Variants in LAMB4 observed in about 807,000 individuals in gnomAD.
LAMB4 encodes the protein laminin subunit beta-4.
Under a neutral mutation model 199.2 loss-of-function variants are expected in LAMB4, and 196 were observed. That is an observed-to-expected ratio of 0.98 (90% CI 0.88 to 1.11). The LOEUF is 1.11. Among genes scored for constraint, LAMB4 ranks in the 50% least tolerant of loss-of-function variants. The pLI is 0.00. For synonymous variants in LAMB4, 744 were observed against 770.6 expected (o/e 0.97, Z 0.57); for missense variants, 2,080 against 2,171.2 (o/e 0.96, Z 0.83).
chr7:108,021,167 T>C (rs1732147), downstream of LAMB4, among the ~76,000 whole-genome samples: 29,620 of 152,160 alleles, frequency 0.19, 6,654 homozygotes, highest in African/African-American at 0.55. Context: ...CCTCCCTCAG[T>C]AGTCTATATT....
chr7:108,046,240 T>G (rs1584623318), intron 28 of LAMB4, among the ~76,000 whole-genome samples: 1 of 103,524 alleles, frequency 9.7e-6, no homozygotes, highest in Non-Finnish European at 1.7e-5. Context: ...GGCTAAATTT[T>G]TTTTTTTTTT....
intron 30 of LAMB4, 55 bp downstream of exon 30, chr7:108,037,333 T>A: frequency 7.4e-7 from 1 of 1,357,104 alleles, no homozygotes. Context: ...TTTCCTGATG[T>A]CCTTTCAGCA....
intron 29 of LAMB4, among the ~76,000 whole-genome samples, chr7:108,038,765 G>A (rs1426461408): frequency 6.6e-6 from 1 of 152,188 alleles, no homozygotes; most frequent in Non-Finnish European, 1.5e-5. Context: ...GAAGCCAAAA[G>A]ATTGGATACT....
At position 108,107,819 on chromosome 7, in the gene LAMB4, T is replaced by C. The variant is rs1205952198; in HGVS notation, c.403A>G (p.Thr135Ala). Residue 135 changes from threonine (T) to alanine (A), a missense_variant and splice_region_variant, in exon 6 of 34, where the codon ACT (threonine) becomes GCT (alanine). Coordinates refer to ENST00000388781, the MANE Select transcript of LAMB4 (RefSeq NM_007356.3). ...RFSHLILTFK[T>A]FRPAAMLVER... ...ACTAACATTGCAGCAGGCCGAAAAG[T>C]CTAGGAAAAATGAGTAAAAGTTGGC... is the stretch of plus-strand genomic sequence containing the variant. 2.5e-6 allele frequency: 4 copies of C among 1,574,672 alleles called. No homozygotes were observed. The African/African-American group carries it at 4.1e-5, about 16-fold the overall frequency.
intron 19 of LAMB4, among the ~76,000 whole-genome samples, chr7:108,066,810 T>C (rs917774005): frequency 4.6e-5 from 7 of 152,126 alleles, no homozygotes; most frequent in African/African-American, 1.7e-4. Flanking sequence ...TGCGAACAAT[T>C]GGGTTTAATT....
chr7:108,111,048 A>G (rs1193870046), intron 4 of LAMB4, among the ~76,000 whole-genome samples: 1 of 152,206 alleles, frequency 6.6e-6, no homozygotes, highest in African/African-American at 2.4e-5. Flanking sequence ...CAATGTAGTG[A>G]ATGAAATCAT....
intron 1 of LAMB4, among the ~76,000 whole-genome samples, chr7:108,125,813 AC>A (rs1281822095): frequency 6.6e-6 from 1 of 152,264 alleles, no homozygotes; most frequent in Non-Finnish European, 1.5e-5. Context: ...ATTTGGGGGA[AC>A]AAAGCTTCCT....
intron 9 of LAMB4, 121 bp from the exon 10 acceptor site, chr7:108,103,353 G>T: frequency 1.3e-6 from 1 of 763,188 alleles, no homozygotes; most frequent in Non-Finnish European, 2.0e-6. Flanking sequence ...CGTGTTCTTT[G>T]TATAGATGCA....
intron 26 of LAMB4, among the ~76,000 whole-genome samples, chr7:108,050,173 C>T (rs2035782428): frequency 6.6e-6 from 1 of 152,146 alleles, no homozygotes; most frequent in Admixed American, 6.6e-5. Flanking sequence ...AGGCTGTGGG[C>T]AGGATTCACC....
intron 29 of LAMB4, among the ~76,000 whole-genome samples, chr7:108,039,655 G>C (rs952134148): frequency 1.3e-5 from 2 of 152,070 alleles, no homozygotes; most frequent in Non-Finnish European, 2.9e-5. Flanking sequence ...TTTTAGTGGA[G>C]ACAGGGTTTT....
rs71137605 is a variant in LAMB4 at position 108,126,554 on chromosome 7, CTTTT to C, written c.-33-3361_-33-3358del. Among the ~76,000 whole-genome samples, 67 of 83,536 alleles carry C rather than the reference CTTTT, an allele frequency of 8.0e-4. 1 individual carries two copies. The highest frequency in any genetic ancestry group is 4.3e-4 in the Non-Finnish European group (21 of 49,216). The allele number at this position is 83,536 out of a possible 152,430, so 54.8% of individuals were successfully genotyped here. A position where few individuals can be genotyped will look rare whatever the true frequency, so the allele number is the denominator to read the frequency against. On this transcript the variant is annotated intron_variant, in intron 1 of 33. Transcript: ENST00000388781. ...TTGTAGGATGTGTCAGAATTTCTTT[CTTTT>C]TTTTTTTTTTTTTTTTTGAGACGGA...
intron 8 of LAMB4, among the ~76,000 whole-genome samples, 184 bp downstream of exon 8, chr7:108,105,633 T>C (rs1026768627): frequency 2.0e-5 from 3 of 152,152 alleles, no homozygotes; most frequent in Non-Finnish European, 2.9e-5. Flanking sequence ...CCACAAGCAC[T>C]TGTGGCTGGA....
intron 1 of LAMB4, among the ~76,000 whole-genome samples, chr7:108,127,191 T>G (rs1162725552): frequency 1.2e-4 from 7 of 60,812 alleles, no homozygotes; most frequent in South Asian, 4.9e-4. Flanking sequence ...TTTTTTGTGT[T>G]TTTTTTTTTT....
intron 9 of LAMB4, among the ~76,000 whole-genome samples, chr7:108,103,553 G>C (rs1221453012): frequency 6.6e-6 from 1 of 152,236 alleles, no homozygotes; most frequent in Non-Finnish European, 1.5e-5. Flanking sequence ...GTTCATTAAA[G>C]GATGCTTTTA....
At chr7:108,022,853 C>T (rs1219869705), downstream of LAMB4, among the ~76,000 whole-genome samples, 3 of 152,104 alleles carry the variant, frequency 2.0e-5, no homozygotes, top group Non-Finnish European at 4.4e-5. Context: ...TGCTCTGTCA[C>T]CCAGGCTAGA....
chr7:108,106,530 G>T lies in LAMB4; in HGVS notation c.634C>A (p.Pro212Thr), dbSNP rs141244006. 1.3e-4 allele frequency: 202 copies of T among 1,583,224 alleles called. No individual in the cohort carries two copies. In the African/African-American group the frequency reaches 2.3e-3, roughly 18 times the overall value. ...ATACCTTGGATGTAGGGGCTATAAG[G>T]GTTTTCAATTTCAAAACTGGGATCC... The part of the protein sequence containing the change: ...VLDPSFEIEN[P>T]YSPYIQDLVT... Residue 212 changes from proline to threonine, a missense_variant, in exon 7 of 34, where the codon CCT becomes ACT. Physicochemically the swap from Pro to Thr is conservative, Grantham distance 38. Transcript: ENST00000388781.
chr7:108,055,603 G>C (rs1384413613), intron 25 of LAMB4, 29 bp downstream of exon 25: 1 of 1,585,562 alleles, frequency 6.3e-7, no homozygotes, highest in Non-Finnish European at 8.6e-7. Context: ...CAGGAGTTTG[G>C]CTGTCTGTTA....
chr7:108,043,621 C>T (rs2150510528), intron 29 of LAMB4, 131 bp downstream of exon 29: 1 of 87,308 alleles, frequency 1.1e-5, no homozygotes. Flanking sequence ...GCTCTGTCGC[C>T]CAGGCTGGAG....
In LAMB4 at chr7:108,077,357, G is replaced by A. The variant is rs2240446; in HGVS notation, c.2004-293C>T. On this transcript the variant is annotated intron_variant, in intron 16 of 33. Transcript: ENST00000388781. Reference sequence around the variant, plus strand: ...AGGATGGTACAGAGGTCCTCATCCCGTCTCTCATGCTAACATCAACAGGAT... The same window carrying A: ...AGGATGGTACAGAGGTCCTCATCCCATCTCTCATGCTAACATCAACAGGAT... Among the ~76,000 whole-genome samples, 12 of 152,078 alleles carry A rather than the reference G, an allele frequency of 7.9e-5. No individual in the cohort carries two copies. The East Asian group carries it at 1.2e-3, about 15-fold the overall frequency.
Sources: gnomAD v4.1 joint callset for allele counts (sites outside exome capture counted in the v4.1 genomes callset) on GRCh38, gnomAD v4.1.1 for gene constraint, MANE v1.5 for transcripts, NCBI Gene and HGNC (gene_info 2026-07-23, HGNC 2026-07-21) for gene names.